Variants in USP34 observed in about 807,000 individuals in gnomAD.
The protein encoded by USP34 is ubiquitin specific peptidase 34.
Under a neutral mutation model 460.3 loss-of-function variants are expected in USP34, and 70 were observed. That is an observed-to-expected ratio of 0.15 (90% CI 0.13 to 0.19). The LOEUF is 0.19. Among genes scored for constraint, USP34 ranks in the 10% least tolerant of loss-of-function variants. The pLI is 1.00. For missense variants in USP34, 3,985 were observed against 4,236.2 expected (o/e 0.94, Z 1.65); for synonymous variants, 1,647 against 1,405.3 (o/e 1.17, Z -3.85).
chr2:61,255,464 G>C (rs1572875774), intron 48 of USP34, among the ~76,000 whole-genome samples: 1 of 152,140 alleles, frequency 6.6e-6, no homozygotes, highest in Non-Finnish European at 1.5e-5. Flanking sequence ...TTGCTTATTT[G>C]TATCTTAGGA....
At chr2:61,389,132 A>C (rs1693263362) in intron 5 of USP34, among the ~76,000 whole-genome samples, 1 of 152,222 alleles carries the variant, frequency 6.6e-6, no homozygotes, top group Non-Finnish European at 1.5e-5. Flanking sequence ...GTTTAAAAAA[A>C]GCAGGAGAAT....
intron 1 of USP34, among the ~76,000 whole-genome samples, chr2:61,453,459 C>T (rs746045661): frequency 5.3e-5 from 8 of 151,912 alleles, no homozygotes; most frequent in Non-Finnish European, 8.8e-5. Flanking sequence ...CCTGTAATCC[C>T]AGCACTTTGG....
At chr2:61,356,400 G>C (rs1309930270) in intron 10 of USP34, among the ~76,000 whole-genome samples, 1 of 152,078 alleles carries the variant, frequency 6.6e-6, no homozygotes, top group East Asian at 1.9e-4. Flanking sequence ...TGAAGTGGGA[G>C]GATGGCTTAA....
intron 1 of USP34, among the ~76,000 whole-genome samples, chr2:61,430,935 T>C (rs972368628): frequency 6.6e-6 from 1 of 151,974 alleles, no homozygotes; most frequent in African/African-American, 2.4e-5. Context: ...GCCTGGGAGT[T>C]TGAGGCTCAT....
chr2:61,349,728 C>CTT (rs1691888233), intron 12 of USP34, among the ~76,000 whole-genome samples: 1 of 152,034 alleles, frequency 6.6e-6, no homozygotes, highest in Non-Finnish European at 1.5e-5. Context: ...GTAGTCCCAG[C>CTT]TACTCGGGAG....
intron 67 of USP34, 47 bp downstream of exon 67, chr2:61,220,263 T>C (rs1171918133): frequency 6.5e-7 from 1 of 1,534,612 alleles, no homozygotes; most frequent in Non-Finnish European, 8.8e-7. Context: ...AAACATAACT[T>C]TGAACAATAA....
chr2:61,196,591 C>T (rs919740445), intron 75 of USP34, among the ~76,000 whole-genome samples: 1 of 151,906 alleles, frequency 6.6e-6, no homozygotes, highest in African/African-American at 2.4e-5. Context: ...GTTGCAGTGG[C>T]ATCGTCTTGG....
intron 5 of USP34, among the ~76,000 whole-genome samples, chr2:61,384,104 G>C (rs1320027760): frequency 1.3e-5 from 2 of 151,906 alleles, no homozygotes; most frequent in African/African-American, 4.8e-5. Context: ...AGTATCTGAA[G>C]CAAATATATT....
chr2:61,312,877 T>C (rs1362377784), intron 25 of USP34, among the ~76,000 whole-genome samples: 1 of 152,202 alleles, frequency 6.6e-6, no homozygotes, highest in Non-Finnish European at 1.5e-5. Context: ...AAAACACTTC[T>C]GGCTGAGAAC....
At chr2:61,294,150 C>G (rs1431414670) in intron 32 of USP34, among the ~76,000 whole-genome samples, 3 of 151,954 alleles carry the variant, frequency 2.0e-5, no homozygotes, top group Non-Finnish European at 4.4e-5. Flanking sequence ...TCAAGACCAT[C>G]CTGGCTAACA....
In USP34 at chr2:61,204,289, C is replaced by T. The variant is rs767395897; in HGVS notation, c.9351G>A (p.Met3117Ile). 1.9e-6 allele frequency: 3 copies of T among 1,614,064 alleles called. No homozygotes were observed. Among genetic ancestry groups the T allele is most frequent in the Non-Finnish European group, 2.5e-6 (3 of 1,180,030 alleles). Residue 3117 changes from methionine (M) to isoleucine (I), a missense_variant, in exon 74 of 80, where the codon ATG becomes ATA. Physicochemically the swap from Met to Ile is conservative, Grantham distance 10. Coordinates refer to ENST00000398571, the MANE Select transcript of USP34 (RefSeq NM_014709.4). The stretch of plus-strand genomic sequence containing the variant: ...TTTCCACCATTGTGGGCAAGAGGCA[C>T]ATATTGAGTTCAGGGCGCGGAGGCC... ...NIRPPRPELN[M>I]CLLPTMVETS...
chr2:61,439,406 G>A (rs1694903773), intron 1 of USP34, among the ~76,000 whole-genome samples: 1 of 152,134 alleles, frequency 6.6e-6, no homozygotes, highest in Non-Finnish European at 1.5e-5. Context: ...ACGAGGATCT[G>A]CTTGCAGCAC....
chr2:61,368,679 A>G (rs1692515058), intron 10 of USP34, among the ~76,000 whole-genome samples: 1 of 152,264 alleles, frequency 6.6e-6, no homozygotes, highest in South Asian at 2.1e-4. Context: ...AGTTGGACAC[A>G]TACATAACAC....
At chr2:61,231,173 G>C (rs940145236) in intron 58 of USP34, among the ~76,000 whole-genome samples, 4 of 152,044 alleles carry the variant, frequency 2.6e-5, no homozygotes, top group African/African-American at 9.7e-5. Context: ...CCATTTATAT[G>C]AAATGGTCAA....
intron 5 of USP34, among the ~76,000 whole-genome samples, chr2:61,387,901 A>C (rs1572992661): frequency 6.7e-6 from 1 of 149,410 alleles, no homozygotes; most frequent in African/African-American, 2.5e-5. Flanking sequence ...ATATTTTTAT[A>C]TATAAGCATA....
Position 61,211,846 on chromosome 2 carries a change from T to C in USP34, c.8766A>G (p.Lys2922=). The change falls in exon 69 of 80, where the codon AAA becomes AAG. Residue 2922 remains lysine (K), a synonymous_variant. Coordinates refer to ENST00000398571, the MANE Select transcript of USP34 (RefSeq NM_014709.4). ...DMREEELEDI[K]QFKKTTISCY... is the part of the protein sequence containing the mutation. ...AACTTATGGTTGTTTTCTTGAACTGTTTAATATCTTCTAATTCTTCTTCTC... is the reference window on the plus strand; with the variant it reads ...AACTTATGGTTGTTTTCTTGAACTGCTTAATATCTTCTAATTCTTCTTCTC... 6.2e-7 allele frequency: 1 copy of C among 1,610,674 alleles called. No individual in the cohort carries two copies. Among genetic ancestry groups the C allele is most frequent in the Non-Finnish European group, 8.5e-7 (1 of 1,179,014 alleles).
intron 8 of USP34, among the ~76,000 whole-genome samples, chr2:61,375,476 A>G (rs1285714925): frequency 6.6e-6 from 1 of 152,204 alleles, no homozygotes; most frequent in Non-Finnish European, 1.5e-5. Flanking sequence ...TATTAATCAA[A>G]AAGTAGAAAC....
At chr2:61,467,918 T>C (rs955590173) in intron 1 of USP34, among the ~76,000 whole-genome samples, 3 of 151,692 alleles carry the variant, frequency 2.0e-5, no homozygotes, top group African/African-American at 7.3e-5. Context: ...GTATTCAGAG[T>C]TGCCCGGCCA....
chr2:61,202,001 C>G (rs1686990421), intron 75 of USP34, among the ~76,000 whole-genome samples: 1 of 152,142 alleles, frequency 6.6e-6, no homozygotes, highest in South Asian at 2.1e-4. Context: ...ATATTCTCAT[C>G]CCCCTACATC....
Sources: allele counts gnomAD v4.1 joint callset (sites outside exome capture counted in the v4.1 genomes callset), GRCh38; gene constraint gnomAD v4.1.1; transcripts MANE v1.5; gene names NCBI Gene and HGNC (gene_info 2026-07-23, HGNC 2026-07-21).